Variants in SLC35E2B observed in about 807,000 individuals in gnomAD.
SLC35E2B encodes solute carrier family 35 member E2B.
Under a neutral mutation model 32.4 loss-of-function variants are expected in SLC35E2B, and 18 were observed. That is an observed-to-expected ratio of 0.56 (90% CI 0.38 to 0.82). SLC35E2B has a LOEUF of 0.82. SLC35E2B is among the 40% of genes least tolerant of loss of function. The pLI is 0.00. For missense variants in SLC35E2B, 263 were observed against 469.5 expected (o/e 0.56, Z 4.06); for synonymous variants, 132 against 209.1 (o/e 0.63, Z 3.18).
At chr1:1,688,139 C>T (rs1283984371) in intron 2 of SLC35E2B, among the ~76,000 whole-genome samples, 1 of 152,080 alleles carries the variant, frequency 6.6e-6, no homozygotes, top group Non-Finnish European at 1.5e-5. Flanking sequence ...AGTAAAACAA[C>T]AGCCCACAAG....
At chr1:1,690,227 C>T (rs1644002114) in intron 2 of SLC35E2B, among the ~76,000 whole-genome samples, 1 of 147,148 alleles carries the variant, frequency 6.8e-6, no homozygotes, top group Non-Finnish European at 1.5e-5. Context: ...TTGTGATGAG[C>T]CAAGATCGCG....
chr1:1,665,953 G>A lies in SLC35E2B; in HGVS notation c.1047C>T (p.Ile349=). Residue 349 remains isoleucine, a synonymous_variant, in exon 10 of 10, where the codon ATC becomes ATT. Transcript: ENST00000617444. ...WLSVIVFGNK[I]TSLSAVGTAL... Reference sequence around the variant, plus strand: ...CTGTGCCAACGGCCGACAAGCTGGTGATCTTGTTGCCGAAAACGATTACGC... The same window carrying A: ...CTGTGCCAACGGCCGACAAGCTGGTAATCTTGTTGCCGAAAACGATTACGC... 2 of 1,551,564 alleles carry A rather than the reference G, an allele frequency of 1.3e-6. No homozygotes were observed. Among genetic ancestry groups the A allele is most frequent in the African/African-American group, 1.4e-5 (1 of 73,184 alleles).
intron 2 of SLC35E2B, among the ~76,000 whole-genome samples, chr1:1,687,244 G>A (rs574577073): frequency 1.3e-5 from 2 of 152,144 alleles, no homozygotes; most frequent in African/African-American, 2.4e-5. Flanking sequence ...CCTGCACAGC[G>A]CGCTCCCAGC....
In SLC35E2B at chr1:1,673,280, G is replaced by A. The variant is rs904412874; in HGVS notation, c.587-1651C>T. The A allele has an allele frequency of 6.3e-6, 3 of 475,874 alleles. No homozygotes were observed. In the Admixed American group the frequency reaches 6.8e-5, roughly 11 times the overall value. 29.5% of individuals were successfully genotyped at this position (475,874 alleles called of 1,614,324 possible). ...TGACCCTGGTGTTCTTGCCTTCTTA[G>A]ATTCTTCTGGAGCTGGAGATGAACT... On this transcript the variant is annotated intron_variant, in intron 5 of 9. Coordinates refer to ENST00000617444, the MANE Select transcript of SLC35E2B (RefSeq NM_001290264.2).
Position 1,665,728 on chromosome 1 carries a change from A to G in SLC35E2B, c.*54T>C. The G allele has an allele frequency of 6.5e-7, 1 of 1,535,490 alleles. No individual in the cohort carries two copies. The highest frequency in any genetic ancestry group is 8.8e-7 in the Non-Finnish European group (1 of 1,136,266). On this transcript the variant is annotated 3_prime_UTR_variant, in exon 10 of 10. Coordinates refer to ENST00000617444, the MANE Select transcript of SLC35E2B (RefSeq NM_001290264.2). ...GCCATGGAGGAGGGCGTCCCTGCCCATTTCTGGGGGATGCAGTGTCACGAG... is the reference window on the plus strand; with the variant it reads ...GCCATGGAGGAGGGCGTCCCTGCCCGTTTCTGGGGGATGCAGTGTCACGAG...
intron 6 of SLC35E2B, 163 bp from the exon 7 acceptor site, chr1:1,670,314 G>C (rs1643654401): frequency 6.8e-6 from 4 of 584,190 alleles, no homozygotes; most frequent in Non-Finnish European, 1.2e-5. Flanking sequence ...TAGAGATAGG[G>C]TTTCACCGTG....
intron 9 of SLC35E2B, 140 bp downstream of exon 9, chr1:1,668,187 A>T: frequency 5.7e-6 from 7 of 1,220,086 alleles, no homozygotes; most frequent in Non-Finnish European, 7.9e-6. Flanking sequence ...GGTATAAAAT[A>T]GCCTAGTAAT....
intron 2 of SLC35E2B, among the ~76,000 whole-genome samples, chr1:1,688,539 G>T (rs924417734): frequency 2.0e-5 from 3 of 151,768 alleles, no homozygotes; most frequent in African/African-American, 4.9e-5. Flanking sequence ...GGTGGAGGCT[G>T]CAGTGAGCGG....
intron 9 of SLC35E2B, among the ~76,000 whole-genome samples, chr1:1,666,918 C>T (rs1276301967): frequency 2.6e-5 from 4 of 151,384 alleles, no homozygotes; most frequent in African/African-American, 9.7e-5. Flanking sequence ...CCAGCCTGGC[C>T]AATATGGTGA....
chr1:1,684,090 G>A (rs180935594), intron 2 of SLC35E2B, among the ~76,000 whole-genome samples: 3 of 152,238 alleles, frequency 2.0e-5, no homozygotes, highest in East Asian at 1.9e-4. Context: ...CAGGAGACCC[G>A]TGGGCCGCAG....
intron 2 of SLC35E2B, among the ~76,000 whole-genome samples, chr1:1,686,321 C>CTTTTTTTTTTTTTT (rs375495225): frequency 7.8e-6 from 1 of 127,790 alleles, no homozygotes; most frequent in Non-Finnish European, 1.6e-5. Flanking sequence ...CTTTTTTTTT[C>CTTTTTTTTTTTTTT]TTTTTTTTTT....
At chr1:1,673,694 G>A (rs1163944744) in intron 5 of SLC35E2B, among the ~76,000 whole-genome samples, 2 of 144,980 alleles carry the variant, frequency 1.4e-5, no homozygotes, top group Non-Finnish European at 3.0e-5. Flanking sequence ...CGGCTGTGGT[G>A]GCTAACACCT....
chr1:1,690,360 G>GA lies in SLC35E2B; in HGVS notation c.-148+615dup, dbSNP rs556355455. On this transcript the variant is annotated intron_variant, in intron 2 of 9. Transcript: ENST00000617444. ...AGTGAAATCAACAGCCACAACCTGGGAAAAAATACTTGCAACATGGCAAAG... is the reference window on the plus strand; with the variant it reads ...AGTGAAATCAACAGCCACAACCTGGGAAAAAAATACTTGCAACATGGCAAAG... Among the ~76,000 whole-genome samples the GA allele has an allele frequency of 2.0e-3, 289 of 147,782 alleles. 5 individuals are homozygous for GA. The highest frequency in any genetic ancestry group is 6.6e-3 in the African/African-American group (266 of 40,354).
intron 2 of SLC35E2B, among the ~76,000 whole-genome samples, chr1:1,678,673 C>T (rs1020015587): frequency 3.3e-5 from 5 of 151,944 alleles, no homozygotes; most frequent in African/African-American, 4.8e-5. Flanking sequence ...GACTCATCCA[C>T]TCCTCGGGCC....
At chr1:1,689,496 G>A (rs1016192069) in intron 2 of SLC35E2B, among the ~76,000 whole-genome samples, 1 of 151,504 alleles carries the variant, frequency 6.6e-6, no homozygotes, top group Non-Finnish European at 1.5e-5. Flanking sequence ...GTCACGATTC[G>A]AACCCAGGTG....
chr1:1,689,634 TA>T (rs988985463), intron 2 of SLC35E2B, among the ~76,000 whole-genome samples: 3 of 151,112 alleles, frequency 2.0e-5, no homozygotes, highest in Non-Finnish European at 4.4e-5. Context: ...CATGACCCAT[TA>T]AAAAAAGGGT....
chr1:1,688,109 A>G (rs1452874677), intron 2 of SLC35E2B, among the ~76,000 whole-genome samples: 1 of 151,990 alleles, frequency 6.6e-6, no homozygotes, highest in Admixed American at 6.6e-5. Context: ...TACGTAACAC[A>G]GTAAAGGATC....
intron 8 of SLC35E2B, among the ~76,000 whole-genome samples, chr1:1,669,279 A>G (rs1202577505): frequency 6.6e-6 from 1 of 151,964 alleles, no homozygotes; most frequent in Non-Finnish European, 1.5e-5. Context: ...GAATAACTTG[A>G]GCCTGGTAGG....
chr1:1,667,707 A>G (rs1179649544), intron 9 of SLC35E2B, among the ~76,000 whole-genome samples: 1 of 152,160 alleles, frequency 6.6e-6, no homozygotes, highest in Non-Finnish European at 1.5e-5. Context: ...ATTCCTGCAG[A>G]CAAGACTAGT....
Sources: gnomAD v4.1 joint callset for allele counts (sites outside exome capture counted in the v4.1 genomes callset) on GRCh38, gnomAD v4.1.1 for gene constraint, MANE v1.5 for transcripts, NCBI Gene and HGNC (gene_info 2026-07-23, HGNC 2026-07-21) for gene names.